The following DNHD1 variants were observed in gnomAD, a reference collection of about 807,000 sequenced individuals.
DNHD1 encodes the protein dynein heavy chain domain-containing protein 1.
In DNHD1, 383 loss-of-function variants were observed where a neutral mutation model predicts 458.1. The observed-to-expected ratio is 0.84, with a 90% CI of 0.77 to 0.91. The LOEUF (loss-of-function observed/expected upper bound fraction) is 0.91, where lower values mean the gene tolerates loss of function less well. DNHD1 is among the 40% of genes least tolerant of loss of function. The pLI, the probability that DNHD1 is intolerant of heterozygous loss-of-function variation, is 0.00. For synonymous variants in DNHD1, 2,203 were observed against 2,376.9 expected, an observed-to-expected ratio of 0.93 and a Z score of 2.13; for missense variants, 5,336 against 5,866.1, an observed-to-expected ratio of 0.91 and a Z score of 2.95.
intron 6 of DNHD1, among the ~76,000 whole-genome samples, chr11:6,509,583 A>G (rs986789899): frequency 2.6e-5 from 4 of 152,186 alleles, no homozygotes; most frequent in African/African-American, 7.2e-5. Context: ...AATATTCTCC[A>G]GGTAATTATA....
chr11:6,560,492 A>C (rs1433133214), intron 28 of DNHD1, among the ~76,000 whole-genome samples: 1 of 152,246 alleles, frequency 6.6e-6, no homozygotes, highest in African/African-American at 2.4e-5. Context: ...AGAAAGTCAG[A>C]GAGCAACAGA....
At position 6,528,626 on chromosome 11, in the gene DNHD1, G is replaced by C; in HGVS notation, c.1942G>C (p.Val648Leu). ...SIFCGPNVGL[V>L]WPWKSHPIAG... The stretch of plus-strand genomic sequence containing the variant: ...CTTCTGTGGCCCGAATGTGGGATTG[G>C]TGTGGCCCTGGAAGTCTCACCCAAT... The change falls in exon 11 of 43, where the codon GTG becomes CTG. Residue 648 changes from valine to leucine, a missense_variant. By Grantham distance (32) the Val-to-Leu change is conservative. Transcript: ENST00000254579. 1 of 1,551,740 alleles carries C rather than the reference G, an allele frequency of 6.4e-7. No homozygotes were observed. Among genetic ancestry groups the C allele is most frequent in the Non-Finnish European group, 8.7e-7 (1 of 1,146,998 alleles).
intron 7 of DNHD1, among the ~76,000 whole-genome samples, chr11:6,513,044 T>C (rs778756575): frequency 2.0e-5 from 3 of 152,114 alleles, no homozygotes; most frequent in Non-Finnish European, 2.9e-5. Context: ...AAGGAGGCAG[T>C]GGCCTTTAGC....
At chr11:6,514,715 T>A (rs998302164) in intron 7 of DNHD1, among the ~76,000 whole-genome samples, 1 of 152,224 alleles carries the variant, frequency 6.6e-6, no homozygotes, top group Non-Finnish European at 1.5e-5. Flanking sequence ...GCTCTTTTTT[T>A]ATAAACATGT....
chr11:6,557,234 T>C lies in DNHD1; in HGVS notation c.7939T>C (p.Trp2647Arg). The change falls in exon 25 of 43, where the codon TGG (tryptophan) becomes CGG (arginine). Residue 2647 changes from tryptophan to arginine, a missense_variant. Coordinates refer to ENST00000254579, the MANE Select transcript of DNHD1 (RefSeq NM_144666.3). Reference protein sequence around the residue: ...MMATRNVVRLWLHEAQRTFCD... With the variant: ...MMATRNVVRLRLHEAQRTFCD... ...GGCCACACGCAATGTGGTGCGTCTT[T>C]GGTTGCATGAGGCACAGAGAACCTT... 1 of 1,551,612 alleles carries C rather than the reference T, an allele frequency of 6.4e-7. No homozygotes were observed. Among genetic ancestry groups the C allele is most frequent in the Non-Finnish European group, 8.7e-7 (1 of 1,146,992 alleles).
intron 4 of DNHD1, 159 bp downstream of exon 4, chr11:6,503,085 G>GCCT (rs1304320117): frequency 4.1e-6 from 3 of 732,572 alleles, no homozygotes; most frequent in Admixed American, 3.6e-5. Flanking sequence ...CTTCTCCTCA[G>GCCT]CCTCCTCCTC....
chr11:6,567,009 G>C lies in DNHD1; in HGVS notation c.11500G>C (p.Glu3834Gln), dbSNP rs772293674. ...GCTATGCCAGCTGCGTGCTCATTGTGAAGAGTTAGAAGGGCAGAAACTACA... is the reference window on the plus strand; with the variant it reads ...GCTATGCCAGCTGCGTGCTCATTGTCAAGAGTTAGAAGGGCAGAAACTACA... ...GKLCQLRAHC[E>Q]ELEGQKLQEM... Residue 3834 changes from glutamate (E) to glutamine (Q), a missense_variant, in exon 36 of 43, where the codon GAA becomes CAA. Transcript: ENST00000254579. 8.1e-6 allele frequency: 13 copies of C among 1,613,924 alleles called. No individual in the cohort carries two copies. In the Admixed American group the frequency reaches 2.0e-4, roughly 25 times the overall value.
Position 6,498,531 on chromosome 11 carries a change from C to A in DNHD1, c.316C>A (p.Pro106Thr). 1 of 1,614,198 alleles carries A rather than the reference C, an allele frequency of 6.2e-7. No individual in the cohort carries two copies. Among genetic ancestry groups the A allele is most frequent in the Non-Finnish European group, 8.5e-7 (1 of 1,180,032 alleles). ...ELLVGHLDLL[P>T]FLEQLYCWAP... ...GCTAGTTGGCCACCTTGATTTGCTG[C>A]CCTTCCTGGAGCAGCTGTACTGCTG... The change falls in exon 3 of 43, where the codon CCC (proline) becomes ACC (threonine). Residue 106 changes from proline (P) to threonine (T), a missense_variant. Pro to Thr is a conservative substitution (Grantham distance 38, BLOSUM62 -1). Coordinates refer to ENST00000254579, the MANE Select transcript of DNHD1 (RefSeq NM_144666.3).
chr11:6,545,260 C>A lies in DNHD1; in HGVS notation c.4321C>A (p.His1441Asn), dbSNP rs141355125. Residue 1441 changes from histidine to asparagine, a missense_variant, in exon 21 of 43, where the codon CAT becomes AAT. By Grantham distance (68) the His-to-Asn change is moderately conservative. Coordinates refer to ENST00000254579, the MANE Select transcript of DNHD1 (RefSeq NM_144666.3). The surrounding 1 kb of genome is among the most constrained non-coding windows in gnomAD (Gnocchi z 4.9). Reference sequence around the variant, plus strand: ...GAAGCTGCAGGGTCCCCTTCCTCTGCATCCAGATCTCCCTAAGTGGCTGGC... The same window carrying A: ...GAAGCTGCAGGGTCCCCTTCCTCTGAATCCAGATCTCCCTAAGTGGCTGGC... ...EVKLQGPLPL[H>N]PDLPKWLASL... The A allele has an allele frequency of 6.4e-7, 1 of 1,551,764 alleles. No homozygotes were observed. Among genetic ancestry groups the A allele is most frequent in the East Asian group, 2.4e-5 (1 of 40,924 alleles).
chr11:6,520,691 GCT>G, intron 10 of DNHD1: 1 of 1,032,168 alleles, frequency 9.7e-7, no homozygotes, highest in Non-Finnish European at 1.2e-6. Context: ...ATGTCATATA[GCT>G]CTTTTTCATT....
intron 7 of DNHD1, among the ~76,000 whole-genome samples, chr11:6,513,089 C>G (rs1852379981): frequency 6.6e-6 from 1 of 152,084 alleles, no homozygotes. Flanking sequence ...GCCATTGTAC[C>G]AAGCTGAATG....
At chr11:6,508,807 G>T in intron 4 of DNHD1, 73 bp from the exon 5 acceptor site, 1 of 1,447,422 alleles carries the variant, frequency 6.9e-7, no homozygotes, top group Non-Finnish European at 9.5e-7. Context: ...TTCATCTCCT[G>T]TATCCTCCTT....
At position 6,570,779 on chromosome 11, in the gene DNHD1, GTGTGGGTTCC is replaced by G; in HGVS notation, c.13270_13279del (p.Trp4424SerfsTer17). On this transcript the variant is annotated frameshift_variant, in exon 42 of 43. Coordinates refer to ENST00000254579, the MANE Select transcript of DNHD1 (RefSeq NM_144666.3). LOFTEE classifies it high-confidence loss of function. The stretch of plus-strand genomic sequence containing the variant: ...GAGTGCGCTGCAGCGGAGTTCACCC[GTGTGGGTTCC>G]TGAGTCTCGAAGAGGCGCCCAGCTT... The G allele has an allele frequency of 6.2e-7, 1 of 1,613,296 alleles. No homozygotes were observed.
At chr11:6,553,107 C>T (rs1404106153) in intron 24 of DNHD1, among the ~76,000 whole-genome samples, 1 of 152,016 alleles carries the variant, frequency 6.6e-6, no homozygotes, top group Non-Finnish European at 1.5e-5. Flanking sequence ...AAAATAAATC[C>T]TCACTGAAAT....
At chr11:6,538,835 G>C (rs762909986) in intron 16 of DNHD1, 25 bp downstream of exon 16, 3 of 1,472,560 alleles carry the variant, frequency 2.0e-6, no homozygotes, top group African/African-American at 1.4e-5. Context: ...TGTCAGAGGA[G>C]GGGGAAAGGG....
intron 39 of DNHD1, 43 bp from the exon 40 acceptor site, chr11:6,569,966 A>G (rs778494190): frequency 1.9e-6 from 3 of 1,555,692 alleles, no homozygotes; most frequent in Admixed American, 3.4e-5. Context: ...TCCTCAGCAT[A>G]TAGATGATAT....
Position 6,538,724 on chromosome 11 carries a change from T to C in DNHD1, c.3239T>C (p.Leu1080Pro), listed in dbSNP as rs2134419620. 1.3e-6 allele frequency: 2 copies of C among 1,549,722 alleles called. No individual in the cohort carries two copies. Among genetic ancestry groups the C allele is most frequent in the Admixed American group, 3.9e-5 (2 of 50,900 alleles). ...GTGCTGCAGCACTGCATGCGCATCC[T>C]GGGGGAGTTTCGCAGCTACCTGCCC... ...SPVLQHCMRI[L>P]GEFRSYLPLL... Residue 1080 changes from leucine (L) to proline (P), a missense_variant, in exon 16 of 43, where the codon CTG (leucine) becomes CCG (proline). This residue lies in a region of DNHD1 where 3,932 missense variants were observed against 4,365.6 expected (regional missense o/e 0.90). Transcript: ENST00000254579.
At chr11:6,522,950 A>G (rs1171246623) in intron 10 of DNHD1, among the ~76,000 whole-genome samples, 1 of 152,238 alleles carries the variant, frequency 6.6e-6, no homozygotes, top group Non-Finnish European at 1.5e-5. Context: ...ACATTTTACA[A>G]CTAAACAAGA....
Position 6,533,673 on chromosome 11 carries a change from T to G in DNHD1, c.2506-8T>G. The G allele has an allele frequency of 6.5e-7, 1 of 1,539,678 alleles. No individual in the cohort carries two copies. The highest frequency in any genetic ancestry group is 1.4e-5 in the African/African-American group (1 of 72,936). ...GGGGCTGCCGGTCTCATGCTGTAATTCCTGCAGTTGAATGAAGCCAATGAA... is the reference window on the plus strand; with the variant it reads ...GGGGCTGCCGGTCTCATGCTGTAATGCCTGCAGTTGAATGAAGCCAATGAA... On this transcript the variant is annotated splice_region_variant and splice_polypyrimidine_tract_variant and intron_variant, in intron 13 of 42. Coordinates refer to ENST00000254579, the MANE Select transcript of DNHD1 (RefSeq NM_144666.3).
Sources: gnomAD v4.1 joint callset for allele counts (sites outside exome capture counted in the v4.1 genomes callset) on GRCh38, gnomAD v4.1.1 for gene constraint, gnomAD v4.1.1 regional missense constraint, Gnocchi (gnomAD v3.1) non-coding constraint, MANE v1.5 for transcripts, NCBI Gene and HGNC (gene_info 2026-07-23, HGNC 2026-07-21) for gene names.